Variants in GLRA2 observed in about 807,000 individuals in gnomAD.
GLRA2 encodes glycine receptor alpha 2.
Under a neutral mutation model 31.6 loss-of-function variants are expected in GLRA2, and 11 were observed. The observed-to-expected ratio is 0.35, with a 90% CI of 0.22 to 0.58. The LOEUF is 0.58. Among genes scored for constraint, GLRA2 ranks in the 20% least tolerant of loss-of-function variants. The probability of loss-of-function intolerance (pLI) is 0.84; values close to 1 mark genes in which losing one functional copy is unlikely to be tolerated. For missense variants in GLRA2, 212 were observed against 351.8 expected, an observed-to-expected ratio of 0.60 and a Z score of 3.18; for synonymous variants, 132 against 134.0, an observed-to-expected ratio of 0.99 and a Z score of 0.10.
intron 4 of GLRA2, among the ~76,000 whole-genome samples, chrX:14,583,383 A>G (rs2090045017): frequency 8.9e-6 from 1 of 112,806 alleles, no homozygotes; most frequent in South Asian, 3.6e-4. Flanking sequence ...TCATTGCAGC[A>G]CTATTCACAA....
intron 4 of GLRA2, among the ~76,000 whole-genome samples, chrX:14,598,073 C>T (rs140725587): frequency 1.4e-4 from 16 of 111,344 alleles, no homozygotes; most frequent in African/African-American, 4.9e-4. Context: ...GTCCATGTGC[C>T]ACTGAAAGTT....
chrX:14,604,543 A>AGT (rs377121617), intron 5 of GLRA2, 146 bp downstream of exon 5: 10,998 of 160,171 alleles, frequency 0.069, 689 homozygotes, highest in East Asian at 0.16. Flanking sequence ...GACAAACCAA[A>AGT]GTGTGTGTGT....
At chrX:14,525,526 A>G (rs377650108), upstream of GLRA2, among the ~76,000 whole-genome samples, 8 of 111,859 alleles carry the variant, frequency 7.2e-5, no homozygotes, top group East Asian at 2.8e-4. Flanking sequence ...TATTCTACAT[A>G]GAAATATTTT....
chrX:14,464,307 G>A, the GLRA2 span, among the ~76,000 whole-genome samples: 1 of 111,779 alleles, frequency 8.9e-6, no homozygotes, highest in African/African-American at 3.3e-5. Flanking sequence ...GAGTTTTATA[G>A]TTTTGGGTCT....
chrX:14,680,310 A>G (rs931660989), intron 7 of GLRA2, among the ~76,000 whole-genome samples: 4 of 111,507 alleles, frequency 3.6e-5, no homozygotes. Context: ...TCCCACCAGC[A>G]CCTAGTAGAG....
At chrX:14,501,249 A>T in the GLRA2 span, among the ~76,000 whole-genome samples, 1 of 111,532 alleles carries the variant, frequency 9.0e-6, no homozygotes, top group African/African-American at 3.3e-5. Flanking sequence ...TTTTTTATTC[A>T]GGTGAAGGAA....
chrX:14,507,317 C>T, the GLRA2 span, among the ~76,000 whole-genome samples: 1 of 112,096 alleles, frequency 8.9e-6, no homozygotes, highest in Non-Finnish European at 1.9e-5. Flanking sequence ...TGCAAATTAC[C>T]TAAACTCTCT....
At chrX:14,589,540 G>A (rs1437960064) in intron 4 of GLRA2, among the ~76,000 whole-genome samples, 5 of 104,802 alleles carry the variant, frequency 4.8e-5, no homozygotes, top group East Asian at 3.0e-4. Flanking sequence ...GCATGGTGTC[G>A]GGTGCCTGTA....
the GLRA2 span, among the ~76,000 whole-genome samples, chrX:14,495,303 TA>T: frequency 9.0e-6 from 1 of 111,325 alleles, no homozygotes; most frequent in African/African-American, 3.3e-5. Context: ...AACCTGTCAT[TA>T]AAAAAATTCT....
the GLRA2 span, among the ~76,000 whole-genome samples, chrX:14,473,126 T>G: frequency 4.5e-5 from 5 of 111,385 alleles, no homozygotes; most frequent in Admixed American, 1.9e-4. Flanking sequence ...GGGGGGAAAG[T>G]TGCGTGTACT....
chrX:14,454,534 GTCT>G, the GLRA2 span, among the ~76,000 whole-genome samples: 25 of 105,537 alleles, frequency 2.4e-4, no homozygotes, highest in Non-Finnish European at 4.9e-4. Flanking sequence ...TGTGATTTTT[GTCT>G]TCTTTTCTCA....
chrX:14,480,808 G>C, the GLRA2 span, among the ~76,000 whole-genome samples: 1 of 111,632 alleles, frequency 9.0e-6, no homozygotes, highest in African/African-American at 3.3e-5. Flanking sequence ...CTCCAGGTTT[G>C]CTCTTTTTGC....
At chrX:14,695,507 A>G (rs1297410413) in intron 8 of GLRA2, among the ~76,000 whole-genome samples, 1 of 112,225 alleles carries the variant, frequency 8.9e-6, no homozygotes, top group Non-Finnish European at 1.9e-5. Flanking sequence ...GGAGACAACT[A>G]TTTCACCCAT....
At chrX:14,505,619 T>C in the GLRA2 span, among the ~76,000 whole-genome samples, 1 of 112,204 alleles carries the variant, frequency 8.9e-6, no homozygotes, top group Non-Finnish European at 1.9e-5. Flanking sequence ...AATGTCCTTT[T>C]ATTTCTTGGG....
intron 8 of GLRA2, among the ~76,000 whole-genome samples, chrX:14,701,352 A>G (rs1184019774): frequency 9.0e-6 from 1 of 111,053 alleles, no homozygotes; most frequent in Non-Finnish European, 1.9e-5. Context: ...TGATCCAGGC[A>G]GGACTGACTG....
chrX:14,472,050 C>T, the GLRA2 span, among the ~76,000 whole-genome samples: 1 of 111,998 alleles, frequency 8.9e-6, no homozygotes, highest in Non-Finnish European at 1.9e-5. Context: ...GAATACATCC[C>T]TCCTCAATCT....
the GLRA2 span, among the ~76,000 whole-genome samples, chrX:14,521,787 T>C: frequency 8.9e-6 from 1 of 112,581 alleles, no homozygotes; most frequent in Non-Finnish European, 1.9e-5. Context: ...AAGTTATGTT[T>C]AGTGTATTAA....
At chrX:14,670,359 A>C (rs1601816689) in intron 7 of GLRA2, among the ~76,000 whole-genome samples, 1 of 111,897 alleles carries the variant, frequency 8.9e-6, no homozygotes, top group East Asian at 2.8e-4. Context: ...AGTCACTTCC[A>C]TATTTTTGGC....
chrX:14,505,788 G>C, the GLRA2 span, among the ~76,000 whole-genome samples: 3 of 111,554 alleles, frequency 2.7e-5, no homozygotes, highest in Non-Finnish European at 5.7e-5. Flanking sequence ...CAGAGTTGCT[G>C]GGTTGAAGCC....
Sources: allele counts gnomAD v4.1 joint callset (sites outside exome capture counted in the v4.1 genomes callset), GRCh38; gene constraint gnomAD v4.1.1; transcripts MANE v1.5; gene names NCBI Gene and HGNC (gene_info 2026-07-23, HGNC 2026-07-21).